The following MAP6D1 variants were observed in gnomAD, a reference collection of about 807,000 sequenced individuals.
MAP6D1 encodes MAP6 domain-containing protein 1.
Under a neutral mutation model 17.4 loss-of-function variants are expected in MAP6D1, and 13 were observed. The observed-to-expected ratio is 0.75, with a 90% confidence interval of 0.49 to 1.19. The LOEUF is 1.19. Among genes scored for constraint, MAP6D1 ranks in the 50% most tolerant of loss-of-function variants. The pLI, the probability that MAP6D1 is intolerant of heterozygous loss-of-function variation, is 0.00. For missense variants in MAP6D1, 313 were observed against 312.6 expected (o/e 1.00, Z -0.01); for synonymous variants, 141 against 145.7 (o/e 0.97, Z 0.23).
intron 1 of MAP6D1, among the ~76,000 whole-genome samples, chr3:183,820,637 T>C (rs1985300): frequency 0.44 from 66,524 of 151,094 alleles, 15,458 homozygotes; most frequent in Middle Eastern, 0.6. Flanking sequence ...CAGTGGCTCA[T>C]GCCTGTAATC....
chr3:183,821,680 G>A (rs1253613978), intron 1 of MAP6D1, among the ~76,000 whole-genome samples: 1 of 151,942 alleles, frequency 6.6e-6, no homozygotes. Flanking sequence ...CGAGTAGCTG[G>A]GATTACAGGT....
chr3:183,822,240 AACACACACACACACACACACACACACAC>A (rs60341893), intron 1 of MAP6D1, among the ~76,000 whole-genome samples: 21,936 of 138,670 alleles, frequency 0.16, 1,797 homozygotes, highest in East Asian at 0.27. Flanking sequence ...CCATCTCTAA[AACACACACACACACACACACACACACAC>A]ACACACACAC....
chr3:183,819,330 T>C (rs1478621216), intron 1 of MAP6D1, among the ~76,000 whole-genome samples: 4 of 152,232 alleles, frequency 2.6e-5, no homozygotes, highest in African/African-American at 7.2e-5. Context: ...CCAAACCATA[T>C]GCTGCTCTGT....
rs1231340008 is a variant in MAP6D1, at chr3:183,825,364, G to A, written c.184C>T (p.Arg62Trp). 14 of 1,441,128 alleles carry A rather than the reference G, an allele frequency of 9.7e-6. No homozygotes were observed. Among genetic ancestry groups the A allele is most frequent in the East Asian group, 3.1e-5 (1 of 32,498 alleles). The allele number at this position is 1,441,128 out of a possible 1,614,324, so 89.3% of individuals were successfully genotyped here. ...QPPAGARDSG[R>W]DVPLTQYQRD... is the part of the protein sequence containing the mutation. ...TGGTACTGAGTGAGCGGCACGTCCCGGCCGGAATCCCGGGCGCCCGCGGGA... is the reference window on the plus strand; with the variant it reads ...TGGTACTGAGTGAGCGGCACGTCCCAGCCGGAATCCCGGGCGCCCGCGGGA... Residue 62 changes from arginine to tryptophan, a missense_variant, in exon 1 of 3, where the codon CGG becomes TGG. Arg to Trp is a moderately radical substitution (Grantham distance 101). Coordinates refer to ENST00000318631, the MANE Select transcript of MAP6D1 (RefSeq NM_024871.4).
At position 183,821,306 on chromosome 3, in the gene MAP6D1, C is replaced by T. The variant is rs191275765; in HGVS notation, c.402-3195G>A. ...AATTTGATCTCTGGGGCAAGTCACA[C>T]GGGTTCCACTCCCTTCTCTGCCATT... On this transcript the variant is annotated intron_variant, in intron 1 of 2. Transcript: ENST00000318631. Among the ~76,000 whole-genome samples, 781 of 152,270 alleles carry T rather than the reference C, an allele frequency of 5.1e-3. 3 individuals carry two copies. The highest frequency in any genetic ancestry group is 0.018 in the African/African-American group (732 of 41,556).
At position 183,825,358 on chromosome 3, in the gene MAP6D1, C is replaced by G. The variant is rs1322403470; in HGVS notation, c.190G>C (p.Val64Leu). ...TCCCGCTGGTACTGAGTGAGCGGCA[C>G]GTCCCGGCCGGAATCCCGGGCGCCC... ...PAGARDSGRD[V>L]PLTQYQRDFG... The change falls in exon 1 of 3, where the codon GTG (valine) becomes CTG (leucine). Residue 64 changes from valine to leucine, a missense_variant. Transcript: ENST00000318631. The G allele has an allele frequency of 6.9e-7, 1 of 1,440,054 alleles. No individual in the cohort carries two copies. The highest frequency in any genetic ancestry group is 9.1e-7 in the Non-Finnish European group (1 of 1,097,838). 89.2% of individuals were successfully genotyped at this position (1,440,054 alleles called of 1,614,324 possible). A position where few individuals can be genotyped will look rare whatever the true frequency, so the allele number is the denominator to read the frequency against.
chr3:183,822,427 G>A (rs4078932), intron 1 of MAP6D1, among the ~76,000 whole-genome samples: 113,784 of 151,946 alleles, frequency 0.75, 42,942 homozygotes, highest in East Asian at 0.96. Flanking sequence ...GGCAACAGCA[G>A]CAACAACAAC....
rs191438074 is a variant in MAP6D1, at chr3:183,820,648, C to T, written c.402-2537G>A. ...GGCACAGTGGCTCATGCCTGTAATCCCAGCACTTCAGGAGGCTGGGGCGGG... is the reference window on the plus strand; with the variant it reads ...GGCACAGTGGCTCATGCCTGTAATCTCAGCACTTCAGGAGGCTGGGGCGGG... On this transcript the variant is annotated intron_variant, in intron 1 of 2. Coordinates refer to ENST00000318631, the MANE Select transcript of MAP6D1 (RefSeq NM_024871.4). Among the ~76,000 whole-genome samples the T allele has an allele frequency of 5.3e-3, 808 of 152,018 alleles. 3 individuals carry two copies. The highest frequency in any genetic ancestry group is 9.3e-3 in the Non-Finnish European group (629 of 67,982).
At position 183,817,316 on chromosome 3, in the gene MAP6D1, C is replaced by A; in HGVS notation, c.*40G>T. 1 of 1,544,602 alleles carries A rather than the reference C, an allele frequency of 6.5e-7. No homozygotes were observed. The highest frequency in any genetic ancestry group is 8.8e-7 in the Non-Finnish European group (1 of 1,141,362). ...AGTGGGTCCTGAGGCCGCTCCCCAG[C>A]CCTGTCCTGTCGGCAGCCATGGTGT... On this transcript the variant is annotated 3_prime_UTR_variant, in exon 3 of 3. Transcript: ENST00000318631.
intron 1 of MAP6D1, among the ~76,000 whole-genome samples, chr3:183,823,789 C>CA (rs759464673): frequency 8.6e-4 from 122 of 142,642 alleles, no homozygotes; most frequent in Middle Eastern, 3.5e-3. Flanking sequence ...ACTCCGTCTC[C>CA]AAAAAAAAAA....
intron 1 of MAP6D1, among the ~76,000 whole-genome samples, chr3:183,819,971 A>T (rs2606228): frequency 6.6e-6 from 1 of 152,126 alleles, no homozygotes. Context: ...GGGGCTAGCA[A>T]CTGGGCCAAA....
chr3:183,818,791 A>C (rs1015545494), intron 1 of MAP6D1, among the ~76,000 whole-genome samples: 1 of 152,204 alleles, frequency 6.6e-6, no homozygotes, highest in African/African-American at 2.4e-5. Context: ...AGCTCTGTGC[A>C]TGGTGGAGGG....
Position 183,825,190 on chromosome 3 carries a change from T to C in MAP6D1, c.358A>G (p.Ile120Val), listed in dbSNP as rs771303753. ...GCTGCAGCCGCGTCCGCGTCGCCGA[T>C]GGGCAGCACGTAGACCCCGCGGGCG... ...PGARGVYVLP[I>V]GDADAAAAVT... Residue 120 changes from isoleucine (I) to valine (V), a missense_variant, in exon 1 of 3, where the codon ATC (isoleucine) becomes GTC (valine). Coordinates refer to ENST00000318631, the MANE Select transcript of MAP6D1 (RefSeq NM_024871.4). 6.8e-7 allele frequency: 1 copy of C among 1,461,294 alleles called. No individual in the cohort carries two copies. Among genetic ancestry groups the C allele is most frequent in the East Asian group, 3.0e-5 (1 of 33,036 alleles). 90.5% of individuals were successfully genotyped at this position (1,461,294 alleles called of 1,614,324 possible).
At chr3:183,823,784 G>A (rs1006989210) in intron 1 of MAP6D1, among the ~76,000 whole-genome samples, 14 of 151,704 alleles carry the variant, frequency 9.2e-5, no homozygotes, top group African/African-American at 2.7e-4. Flanking sequence ...GCGAGACTCC[G>A]TCTCCAAAAA....
intron 1 of MAP6D1, among the ~76,000 whole-genome samples, chr3:183,821,514 C>G (rs115485323): frequency 5.3e-5 from 8 of 151,056 alleles, no homozygotes; most frequent in African/African-American, 1.9e-4. Context: ...ATTCACTCAC[C>G]ACATGTTCCA....
At chr3:183,818,171 C>G (rs1727164308) in intron 1 of MAP6D1, 60 bp from the exon 2 acceptor site, 1 of 1,403,752 alleles carries the variant, frequency 7.1e-7, no homozygotes, top group Admixed American at 1.7e-5. Flanking sequence ...TACCGACTCC[C>G]CAGGGGCTGC....
intron 1 of MAP6D1, among the ~76,000 whole-genome samples, chr3:183,823,989 T>G (rs1727315541): frequency 6.6e-6 from 1 of 152,244 alleles, no homozygotes; most frequent in African/African-American, 2.4e-5. Flanking sequence ...TTAATACCCC[T>G]TTTTAAAACA....
chr3:183,819,703 C>T (rs890708249), intron 1 of MAP6D1, among the ~76,000 whole-genome samples: 5 of 152,204 alleles, frequency 3.3e-5, no homozygotes, highest in African/African-American at 7.2e-5. Context: ...GCATCAGCCC[C>T]GGACAGAGGA....
At position 183,821,776 on chromosome 3, in the gene MAP6D1, T is replaced by C. The variant is rs151082413; in HGVS notation, c.401+3371A>G. On this transcript the variant is annotated intron_variant, in intron 1 of 2. Transcript: ENST00000318631. ...TGGTCTCGAACTTGGGATCTGCCCA[T>C]CTCATCCTCCCAAAGTGCTGGGGTT... 9.0e-3 allele frequency among the ~76,000 whole-genome samples: 1,373 copies of C among 152,012 alleles called. 12 individuals carry two copies. Among genetic ancestry groups the C allele is most frequent in the Middle Eastern group, 0.044 (13 of 294 alleles).
Sources: gnomAD v4.1 joint callset for allele counts (sites outside exome capture counted in the v4.1 genomes callset) on GRCh38, gnomAD v4.1.1 for gene constraint, MANE v1.5 for transcripts, NCBI Gene and HGNC (gene_info 2026-07-23, HGNC 2026-07-21) for gene names.